HCN1: variants seen among roughly 807,000 people sequenced by gnomAD.
HCN1 encodes hyperpolarization activated cyclic nucleotide gated potassium channel 1.
A neutral mutation model predicts 78.9 loss-of-function variants in HCN1; 13 were observed. That is an observed-to-expected ratio of 0.16 (90% CI 0.11 to 0.26). The LOEUF (loss-of-function observed/expected upper bound fraction) is 0.26, where lower values mean the gene tolerates loss of function less well. Among genes scored for constraint, HCN1 ranks in the 10% least tolerant of loss-of-function variants. The probability of loss-of-function intolerance (pLI) is 1.00; values close to 1 mark genes in which losing one functional copy is unlikely to be tolerated. For missense variants in HCN1, 810 were observed against 1,154.3 expected (o/e 0.70, Z 4.32); for synonymous variants, 552 against 455.5 (o/e 1.21, Z -2.70).
intron 1 of HCN1, among the ~76,000 whole-genome samples, chr5:45,666,562 G>C (rs1301995318): frequency 6.6e-6 from 1 of 151,990 alleles, no homozygotes; most frequent in Non-Finnish European, 1.5e-5. Context: ...TACATTCCCT[G>C]AATCATGTCT....
intron 2 of HCN1, among the ~76,000 whole-genome samples, chr5:45,632,701 G>A (rs1242265626): frequency 3.3e-5 from 5 of 152,120 alleles, no homozygotes; most frequent in Non-Finnish European, 5.9e-5. Flanking sequence ...TACAACTGAA[G>A]AGATATTTTA....
chr5:45,402,042 G>A (rs1283391723), intron 3 of HCN1, among the ~76,000 whole-genome samples: 1 of 152,056 alleles, frequency 6.6e-6, no homozygotes, highest in African/African-American at 2.4e-5. Context: ...GGAGTATTTG[G>A]AGGCTGAGAA....
chr5:45,527,952 C>A (rs1742772635), intron 2 of HCN1, among the ~76,000 whole-genome samples: 2 of 147,910 alleles, frequency 1.4e-5, no homozygotes. Context: ...TTTTTAAACC[C>A]AAAAATACTC....
intron 3 of HCN1, among the ~76,000 whole-genome samples, chr5:45,424,119 C>CAAAAAAAAAAAAAAAAAA (rs35117761): frequency 2.9e-5 from 2 of 67,966 alleles, no homozygotes; most frequent in Non-Finnish European, 3.0e-5. Flanking sequence ...ACTAAAAATC[C>CAAAAAAAAAAAAAAAAAA]AAAAAAAAAA....
chr5:45,349,827 G>A (rs942608220), intron 5 of HCN1, among the ~76,000 whole-genome samples: 2 of 152,040 alleles, frequency 1.3e-5, no homozygotes, highest in African/African-American at 2.4e-5. Flanking sequence ...AAACCAGGAA[G>A]AAGTTGAATC....
At chr5:45,421,948 G>T (rs569354476) in intron 3 of HCN1, among the ~76,000 whole-genome samples, 2 of 152,076 alleles carry the variant, frequency 1.3e-5, no homozygotes, top group African/African-American at 4.8e-5. Flanking sequence ...CCAAAATATG[G>T]CACCTTGAAA....
At chr5:45,530,058 C>A (rs1269691866) in intron 2 of HCN1, among the ~76,000 whole-genome samples, 4 of 151,980 alleles carry the variant, frequency 2.6e-5, no homozygotes, top group African/African-American at 9.7e-5. Flanking sequence ...ATAATAGAGA[C>A]GAATTAAGAC....
At chr5:45,493,602 T>A (rs201287082) in intron 2 of HCN1, among the ~76,000 whole-genome samples, 10 of 152,054 alleles carry the variant, frequency 6.6e-5, no homozygotes, top group East Asian at 3.9e-4. Context: ...TATTTTTTTT[T>A]ATTTATTATT....
chr5:45,518,894 C>T (rs1043983642), intron 2 of HCN1, among the ~76,000 whole-genome samples: 1 of 151,616 alleles, frequency 6.6e-6, no homozygotes, highest in African/African-American at 2.4e-5. Context: ...TTTAAAAATG[C>T]CTTCATATAA....
At chr5:45,452,076 CTA>C (rs1197464617) in intron 3 of HCN1, among the ~76,000 whole-genome samples, 1 of 151,124 alleles carries the variant, frequency 6.6e-6, no homozygotes, top group Non-Finnish European at 1.5e-5. Context: ...TGATTCACTG[CTA>C]TATGTTTTTT....
chr5:45,447,907 A>G (rs1740833529), intron 3 of HCN1, among the ~76,000 whole-genome samples: 1 of 151,652 alleles, frequency 6.6e-6, no homozygotes, highest in African/African-American at 2.4e-5. Flanking sequence ...TGAGACAGAG[A>G]AAGAAAGGCT....
intron 4 of HCN1, among the ~76,000 whole-genome samples, chr5:45,372,849 G>C (rs867541530): frequency 7.0e-6 from 1 of 142,022 alleles, no homozygotes; most frequent in Non-Finnish European, 1.5e-5. Flanking sequence ...AAATATGTTC[G>C]TATTCTATAC....
At chr5:45,392,397 A>T (rs558834579) in intron 4 of HCN1, among the ~76,000 whole-genome samples, 1 of 152,196 alleles carries the variant, frequency 6.6e-6, no homozygotes, top group African/African-American at 2.4e-5. Context: ...CCTGAGCTAA[A>T]TAGGTTTAGA....
At chr5:45,334,519 T>C (rs1746413711) in intron 5 of HCN1, among the ~76,000 whole-genome samples, 1 of 151,952 alleles carries the variant, frequency 6.6e-6, no homozygotes. Flanking sequence ...CATTTTACTT[T>C]TTTCTTATAC....
chr5:45,627,500 G>A (rs546640077), intron 2 of HCN1, among the ~76,000 whole-genome samples: 1 of 152,126 alleles, frequency 6.6e-6, no homozygotes, highest in African/African-American at 2.4e-5. Flanking sequence ...ACTGATCTGG[G>A]GAAGCAAAAG....
intron 6 of HCN1, among the ~76,000 whole-genome samples, chr5:45,271,791 T>G (rs1160665652): frequency 6.6e-6 from 1 of 152,142 alleles, no homozygotes; most frequent in African/African-American, 2.4e-5. Context: ...ATGTGACATA[T>G]TCCCCTACGG....
intron 5 of HCN1, among the ~76,000 whole-genome samples, chr5:45,339,748 T>A (rs1746536173): frequency 6.6e-6 from 1 of 152,120 alleles, no homozygotes; most frequent in Non-Finnish European, 1.5e-5. Flanking sequence ...CATTTAAATA[T>A]ATAAAGAAAA....
intron 1 of HCN1, among the ~76,000 whole-genome samples, chr5:45,673,782 C>G (rs1405916): frequency 0.2 from 30,842 of 151,418 alleles, 3,745 homozygotes; most frequent in East Asian, 0.32. Flanking sequence ...TCAAAGGTCA[C>G]AAAATTGACC....
chr5:45,672,803 G>C (rs574580623), intron 1 of HCN1, among the ~76,000 whole-genome samples: 114 of 151,254 alleles, frequency 7.5e-4, no homozygotes, highest in African/African-American at 2.6e-3. Context: ...CTGCTAAAAG[G>C]TTGTTTTATC....
Sources: allele counts gnomAD v4.1 joint callset (sites outside exome capture counted in the v4.1 genomes callset), GRCh38; gene constraint gnomAD v4.1.1; transcripts MANE v1.5; gene names NCBI Gene and HGNC (gene_info 2026-07-23, HGNC 2026-07-21).